Variants in MEGF9 observed in about 807,000 individuals in gnomAD.
MEGF9 encodes multiple EGF like domains 9, also known as multiple epidermal growth factor-like domains protein 9.
Under a neutral mutation model 46.8 loss-of-function variants are expected in MEGF9, and 6 were observed. The observed-to-expected ratio is 0.13, with a 90% CI of 0.07 to 0.25. The LOEUF (loss-of-function observed/expected upper bound fraction) is 0.25, where lower values mean the gene tolerates loss of function less well. MEGF9 is among the 10% of genes least tolerant of loss of function. The pLI, the probability that MEGF9 is intolerant of heterozygous loss-of-function variation, is 1.00. For missense variants in MEGF9, 683 were observed against 792.4 expected (o/e 0.86, Z 1.66); for synonymous variants, 302 against 330.7 (o/e 0.91, Z 0.94).
At chr9:120,652,451 G>C (rs114575812) in intron 2 of MEGF9, among the ~76,000 whole-genome samples, 3,255 of 135,388 alleles carry the variant, frequency 0.024, 137 homozygotes, top group African/African-American at 0.086. Context: ...TGCACTCCAG[G>C]CTGGGTGACA....
At chr9:120,635,347 A>G (rs916786389) in intron 2 of MEGF9, among the ~76,000 whole-genome samples, 2 of 152,168 alleles carry the variant, frequency 1.3e-5, no homozygotes, top group Non-Finnish European at 2.9e-5. Flanking sequence ...CTGAAACTGG[A>G]TTTCCAAATT....
chr9:120,605,138 A>T lies in MEGF9; in HGVS notation c.*52T>A. ...CAGGCTTTGTCTGGCCCAGGGGCTG[A>T]CTCTGTCTTAGCAAGCACTGTGGTT... On this transcript the variant is annotated 3_prime_UTR_variant, in exon 6 of 6. Coordinates refer to ENST00000373930, the MANE Select transcript of MEGF9 (RefSeq NM_001080497.3). The surrounding 1 kb of genome is among the most constrained non-coding windows in gnomAD (Gnocchi z 4.0). 1 of 1,528,068 alleles carries T rather than the reference A, an allele frequency of 6.5e-7. No individual in the cohort carries two copies. Among genetic ancestry groups the T allele is most frequent in the Non-Finnish European group, 8.8e-7 (1 of 1,133,472 alleles). The allele number at this position is 1,528,068 out of a possible 1,614,324, so 94.7% of individuals were successfully genotyped here.
At position 120,714,456 on chromosome 9, in the gene MEGF9, T is replaced by A; in HGVS notation, c.-98A>T. 2 of 1,051,340 alleles carry A rather than the reference T, an allele frequency of 1.9e-6. No homozygotes were observed. The allele number at this position is 1,051,340 out of a possible 1,614,324, so 65.1% of individuals were successfully genotyped here. Reference sequence around the variant, plus strand: ...GCCGCCACCGCCACCGGGCGCACCATCGCCACCTCCCTCTGACAGGCGGCC... The same window carrying A: ...GCCGCCACCGCCACCGGGCGCACCAACGCCACCTCCCTCTGACAGGCGGCC... On this transcript the variant is annotated 5_prime_UTR_variant, in exon 1 of 6. The change abolishes an upstream ATG in the 5' untranslated region. Coordinates refer to ENST00000373930, the MANE Select transcript of MEGF9 (RefSeq NM_001080497.3).
intron 1 of MEGF9, among the ~76,000 whole-genome samples, chr9:120,696,307 A>G (rs1452056119): frequency 3.3e-5 from 5 of 152,190 alleles, no homozygotes; most frequent in African/African-American, 1.2e-4. Context: ...GCACATGCAA[A>G]ATAAGGAGAA....
chr9:120,669,858 C>T (rs898064958), intron 1 of MEGF9, among the ~76,000 whole-genome samples: 6 of 151,962 alleles, frequency 3.9e-5, no homozygotes, highest in South Asian at 2.1e-4. Context: ...ATATCAGAAA[C>T]GAGATATGAC....
At chr9:120,644,154 T>C (rs910045825) in intron 2 of MEGF9, among the ~76,000 whole-genome samples, 1 of 152,240 alleles carries the variant, frequency 6.6e-6, no homozygotes, top group Admixed American at 6.5e-5. Context: ...CAATCTAGGA[T>C]ATTGTCTCGC....
intron 2 of MEGF9, among the ~76,000 whole-genome samples, chr9:120,657,418 A>G (rs2043682032): frequency 6.6e-6 from 1 of 152,220 alleles, no homozygotes; most frequent in Admixed American, 6.5e-5. Flanking sequence ...AAATATCAGT[A>G]TTACTGTTTT....
chr9:120,682,795 C>A (rs550261499), intron 1 of MEGF9, among the ~76,000 whole-genome samples: 2 of 152,270 alleles, frequency 1.3e-5, no homozygotes, highest in African/African-American at 4.8e-5. Context: ...GTTAACCAGG[C>A]TGGTCTCAAA....
chr9:120,707,122 T>C (rs971449637), intron 1 of MEGF9, among the ~76,000 whole-genome samples: 1 of 152,210 alleles, frequency 6.6e-6, no homozygotes, highest in Non-Finnish European at 1.5e-5. Flanking sequence ...AGGATAATAA[T>C]AGTAACTAAC....
intron 3 of MEGF9, among the ~76,000 whole-genome samples, chr9:120,619,588 G>A (rs1369657506): frequency 6.6e-6 from 1 of 152,120 alleles, no homozygotes; most frequent in Non-Finnish European, 1.5e-5. Flanking sequence ...ATAATATACT[G>A]CCTAGATAAC....
Position 120,714,421 on chromosome 9 carries a change from C to A in MEGF9, c.-63G>T. The A allele has an allele frequency of 1.6e-6, 2 of 1,218,196 alleles. No homozygotes were observed. The highest frequency in any genetic ancestry group is 2.7e-5 in the South Asian group (1 of 36,386). The allele number at this position is 1,218,196 out of a possible 1,614,324, so 75.5% of individuals were successfully genotyped here. A position where few individuals can be genotyped will look rare whatever the true frequency, so the allele number is the denominator to read the frequency against. On this transcript the variant is annotated 5_prime_UTR_variant, in exon 1 of 6. Coordinates refer to ENST00000373930, the MANE Select transcript of MEGF9 (RefSeq NM_001080497.3). ...GTTGCAATCCGACCAAGGAAGCCTCCGCAACCGCCGCCGCCACCGCCACCG... is the reference window on the plus strand; with the variant it reads ...GTTGCAATCCGACCAAGGAAGCCTCAGCAACCGCCGCCGCCACCGCCACCG...
chr9:120,636,839 C>T (rs1214980925), intron 2 of MEGF9, among the ~76,000 whole-genome samples: 7 of 135,902 alleles, frequency 5.2e-5, no homozygotes, highest in South Asian at 5.9e-4. Flanking sequence ...GCCCGGCAGC[C>T]GCCCCGTCTG....
In MEGF9 at chr9:120,602,944, A is replaced by C. The variant is rs1052336362; in HGVS notation, c.*2246T>G. The C allele has an allele frequency of 7.9e-5, 12 of 152,120 alleles. No homozygotes were observed. Among genetic ancestry groups the C allele is most frequent in the Non-Finnish European group, 1.8e-4 (12 of 68,010 alleles). 9.4% of individuals were successfully genotyped at this position (152,120 alleles called of 1,614,324 possible). ...AAACTGGCAGTTTTGTTTTCTAATC[A>C]CTAATACTAACTTCAGTTAGTAAAT... On this transcript the variant is annotated 3_prime_UTR_variant, in exon 6 of 6. Transcript: ENST00000373930.
intron 1 of MEGF9, among the ~76,000 whole-genome samples, chr9:120,678,833 TCTA>T (rs2043785140): frequency 6.6e-6 from 1 of 152,152 alleles, no homozygotes; most frequent in African/African-American, 2.4e-5. Context: ...CTTAATCAAT[TCTA>T]CTATTAAGAG....
intron 3 of MEGF9, 77 bp downstream of exon 3, chr9:120,622,539 T>A: frequency 6.8e-7 from 1 of 1,472,818 alleles, no homozygotes; most frequent in South Asian, 1.3e-5. Context: ...TTCAGAAGAA[T>A]CAACCTATAG....
intron 2 of MEGF9, among the ~76,000 whole-genome samples, chr9:120,642,293 T>A (rs532412198): frequency 1.2e-4 from 19 of 152,336 alleles, no homozygotes; most frequent in African/African-American, 4.6e-4. Context: ...AACTGATGAG[T>A]CATACTCACC....
chr9:120,668,823 A>G (rs1395602917), intron 1 of MEGF9, among the ~76,000 whole-genome samples: 1 of 152,236 alleles, frequency 6.6e-6, no homozygotes, highest in Non-Finnish European at 1.5e-5. Flanking sequence ...AGTATCAGAT[A>G]GATGAAACAA....
At chr9:120,709,804 T>C (rs1489794712) in intron 1 of MEGF9, among the ~76,000 whole-genome samples, 3 of 152,160 alleles carry the variant, frequency 2.0e-5, no homozygotes, top group Admixed American at 6.5e-5. Context: ...ATCCCAGCAC[T>C]TTGGGAGGCC....
At chr9:120,637,808 A>G (rs1235657140) in intron 2 of MEGF9, among the ~76,000 whole-genome samples, 2 of 150,744 alleles carry the variant, frequency 1.3e-5, no homozygotes, top group African/African-American at 4.9e-5. Context: ...AAAAAAAAAA[A>G]AAAAAAAAAG....
Sources: allele counts gnomAD v4.1 joint callset (sites outside exome capture counted in the v4.1 genomes callset), GRCh38; gene constraint gnomAD v4.1.1; non-coding constraint Gnocchi (gnomAD v3.1); transcripts MANE v1.5; gene names NCBI Gene and HGNC (gene_info 2026-07-23, HGNC 2026-07-21).